Variants in COL8A1 observed in about 807,000 individuals in gnomAD.
COL8A1 encodes the protein collagen type VIII alpha 1 chain.
COL8A1 carries 21 observed loss-of-function variants against 42.7 expected under a neutral mutation model. The observed-to-expected ratio is 0.49, with a 90% CI of 0.35 to 0.71. The LOEUF is 0.71. Ranked by LOEUF, COL8A1 falls within the 30% of genes least tolerant of loss-of-function variation. COL8A1 has a pLI of 0.01. For missense variants in COL8A1, 788 were observed against 962.4 expected, an observed-to-expected ratio of 0.82 and a Z score of 2.40; for synonymous variants, 367 against 369.1, an observed-to-expected ratio of 0.99 and a Z score of 0.06.
At chr3:99,742,734 T>C (rs913647397) in intron 1 of COL8A1, among the ~76,000 whole-genome samples, 3 of 152,208 alleles carry the variant, frequency 2.0e-5, no homozygotes, top group Non-Finnish European at 2.9e-5. Flanking sequence ...AGCAGTTTCA[T>C]CAGCTACCAA....
intron 2 of COL8A1, among the ~76,000 whole-genome samples, chr3:99,748,808 A>G (rs2107410733): frequency 6.6e-6 from 1 of 152,332 alleles, no homozygotes; most frequent in South Asian, 2.1e-4. Context: ...TGGCTTCATT[A>G]GTTGATGCCC....
intron 2 of COL8A1, among the ~76,000 whole-genome samples, chr3:99,759,105 C>G (rs1196769269): frequency 1.2e-5 from 1 of 82,834 alleles, no homozygotes; most frequent in East Asian, 5.5e-4. Context: ...AGAGCCTGTT[C>G]CTTTTTTTTT....
At chr3:99,651,852 G>C (rs1937857968) in intron 1 of COL8A1, among the ~76,000 whole-genome samples, 1 of 152,118 alleles carries the variant, frequency 6.6e-6, no homozygotes, top group Non-Finnish European at 1.5e-5. Context: ...TCCATTCGCA[G>C]CTAAGTTTAC....
intron 1 of COL8A1, among the ~76,000 whole-genome samples, chr3:99,661,437 G>A (rs1243660530): frequency 6.6e-6 from 1 of 152,060 alleles, no homozygotes; most frequent in Non-Finnish European, 1.5e-5. Context: ...AGGATGACTA[G>A]TATCAAAACA....
At chr3:99,685,476 C>G (rs542233729) in intron 1 of COL8A1, 48 of 152,244 alleles carry the variant, frequency 3.2e-4, no homozygotes, top group African/African-American at 1.1e-3. Context: ...AACGTGTCAA[C>G]GTGAAGTTAA....
At chr3:99,653,373 C>CT (rs200193806) in intron 1 of COL8A1, among the ~76,000 whole-genome samples, 22 of 151,314 alleles carry the variant, frequency 1.5e-4, no homozygotes, top group Admixed American at 4.6e-4. Context: ...CATTTTTGGT[C>CT]TTTTTTTTGG....
At chr3:99,783,253 T>C (rs954585053) in intron 2 of COL8A1, among the ~76,000 whole-genome samples, 17 of 152,212 alleles carry the variant, frequency 1.1e-4, no homozygotes, top group Non-Finnish European at 2.2e-4. Context: ...AGAGGCATTA[T>C]GTGTGTGGTT....
chr3:99,719,832 G>T (rs1186287226), intron 1 of COL8A1, among the ~76,000 whole-genome samples: 1 of 152,106 alleles, frequency 6.6e-6, no homozygotes, highest in Non-Finnish European at 1.5e-5. Flanking sequence ...CCTGGACTTA[G>T]ATTCTAACAG....
At chr3:99,645,729 T>C (rs1937629683) in intron 1 of COL8A1, among the ~76,000 whole-genome samples, 1 of 151,922 alleles carries the variant, frequency 6.6e-6, no homozygotes, top group African/African-American at 2.4e-5. Flanking sequence ...TTTAAGCCTC[T>C]AAGAATAAAT....
intron 1 of COL8A1, among the ~76,000 whole-genome samples, chr3:99,729,326 T>TA (rs1291957698): frequency 6.6e-6 from 1 of 152,042 alleles, no homozygotes; most frequent in African/African-American, 2.4e-5. Context: ...TCCAAACTAA[T>TA]AGAATCCAAA....
intron 2 of COL8A1, among the ~76,000 whole-genome samples, chr3:99,777,074 G>A (rs1473666865): frequency 6.6e-6 from 1 of 152,144 alleles, no homozygotes; most frequent in Non-Finnish European, 1.5e-5. Context: ...CCTGTATCTT[G>A]TGCCGGTCTC....
chr3:99,766,807 A>C (rs1295431685), intron 2 of COL8A1, among the ~76,000 whole-genome samples: 1 of 152,098 alleles, frequency 6.6e-6, no homozygotes, highest in Non-Finnish European at 1.5e-5. Flanking sequence ...AAATTAGCCA[A>C]GTGTGGTGGC....
At position 99,733,581 on chromosome 3, in the gene COL8A1, C is replaced by T. The variant is rs537167462; in HGVS notation, c.-128-11316C>T. ...CGTTTGGGTTGGGTCCAAGTCTTTG[C>T]TATTGTGAATAATGCCGCAATAAAC... On this transcript the variant is annotated intron_variant, in intron 1 of 3. Transcript: ENST00000652472. 4.6e-5 allele frequency among the ~76,000 whole-genome samples: 7 copies of T among 152,134 alleles called. No homozygotes were observed. In the South Asian group the frequency reaches 1.2e-3, roughly 27 times the overall value.
chr3:99,795,880 TCTACTA>T lies in COL8A1; in HGVS notation c.1982_1987del (p.Tyr661_Tyr662del). 6.2e-7 allele frequency: 1 copy of T among 1,614,202 alleles called. No homozygotes were observed. The highest frequency in any genetic ancestry group is 8.5e-7 in the Non-Finnish European group (1 of 1,180,026). On this transcript the variant is annotated inframe_deletion, in exon 4 of 4. Coordinates refer to ENST00000652472, the MANE Select transcript of COL8A1 (RefSeq NM_020351.4). ...ATCTTCACCTGTGAGGTCCCTGGTG[TCTACTA>T]CTTTGCATACCACGTTCACTGCAAG...
intron 3 of COL8A1, among the ~76,000 whole-genome samples, chr3:99,792,230 TC>T (rs1430781223): frequency 6.6e-6 from 1 of 152,240 alleles, no homozygotes; most frequent in Non-Finnish European, 1.5e-5. Context: ...ACATTTCTTT[TC>T]CTTCCTTTAT....
At chr3:99,685,866 A>G (rs187961453) in intron 1 of COL8A1, among the ~76,000 whole-genome samples, 1 of 152,316 alleles carries the variant, frequency 6.6e-6, no homozygotes, top group East Asian at 1.9e-4. Context: ...TACCCATGTG[A>G]GGCACATAGC....
chr3:99,653,249 A>G (rs7651549), intron 1 of COL8A1, among the ~76,000 whole-genome samples: 1,924 of 152,300 alleles, frequency 0.013, 48 homozygotes, highest in African/African-American at 0.044. Context: ...TGTTGCAAAT[A>G]AGGGCACTAA....
chr3:99,676,386 A>G (rs1938698472), intron 1 of COL8A1, among the ~76,000 whole-genome samples: 2 of 152,152 alleles, frequency 1.3e-5, no homozygotes, highest in East Asian at 1.9e-4. Context: ...TAGCAGATAC[A>G]TGGTTGCAAA....
chr3:99,670,662 C>G (rs1938515159), intron 1 of COL8A1, among the ~76,000 whole-genome samples: 1 of 151,930 alleles, frequency 6.6e-6, no homozygotes, highest in Admixed American at 6.6e-5. Context: ...TTGAACTATA[C>G]AACACATTGT....
Sources: allele counts gnomAD v4.1 joint callset (sites outside exome capture counted in the v4.1 genomes callset), GRCh38; gene constraint gnomAD v4.1.1; transcripts MANE v1.5; gene names NCBI Gene and HGNC (gene_info 2026-07-23, HGNC 2026-07-21).